The following SDK1 variants were observed in gnomAD, a reference collection of about 807,000 sequenced individuals.
SDK1 encodes protein sidekick-1.
SDK1 carries 157 observed loss-of-function variants against 245.5 expected under a neutral mutation model. That is an observed-to-expected ratio of 0.64 (90% CI 0.56 to 0.73). The LOEUF (loss-of-function observed/expected upper bound fraction) is 0.73, where lower values mean the gene tolerates loss of function less well. Among genes scored for constraint, SDK1 ranks in the 30% least tolerant of loss-of-function variants. The pLI, the probability that SDK1 is intolerant of heterozygous loss-of-function variation, is 0.00. For missense variants in SDK1, 3,583 were observed against 3,002.3 expected (o/e 1.19, Z -4.52); for synonymous variants, 1,647 against 1,278.5 (o/e 1.29, Z -6.15).
At position 3,938,957 on chromosome 7, in the gene SDK1, G is replaced by T. The variant is rs549182654; in HGVS notation, c.848-11966G>T. 2.6e-5 allele frequency among the ~76,000 whole-genome samples: 4 copies of T among 152,296 alleles called. No individual in the cohort carries two copies. In the East Asian group the frequency reaches 5.8e-4, roughly 22 times the overall value. ...AAATATGTTATAAATGAGAAGAAAA[G>T]AAACTGCTGGATTGTCAAACTGTCA... On this transcript the variant is annotated intron_variant, in intron 5 of 44. Transcript: ENST00000404826.
intron 4 of SDK1, among the ~76,000 whole-genome samples, chr7:3,674,614 A>G (rs1001246063): frequency 3.3e-5 from 5 of 152,078 alleles, no homozygotes; most frequent in African/African-American, 1.2e-4. Context: ...ATGAATTGAG[A>G]TTCTAAGACT....
At chr7:3,492,515 C>G (rs893054893) in intron 1 of SDK1, among the ~76,000 whole-genome samples, 3 of 152,038 alleles carry the variant, frequency 2.0e-5, no homozygotes, top group Non-Finnish European at 2.9e-5. Flanking sequence ...AAAACAAAAA[C>G]AACAAAAAAA....
chr7:3,957,428 C>A (rs76939630), intron 7 of SDK1, among the ~76,000 whole-genome samples: 22 of 152,344 alleles, frequency 1.4e-4, no homozygotes, highest in African/African-American at 5.3e-4. Context: ...TGAGCTCTTT[C>A]AGTGTTACAG....
At chr7:4,265,060 G>A (rs1368343886) in intron 44 of SDK1, 64 bp from the exon 45 acceptor site, 2 of 1,566,772 alleles carry the variant, frequency 1.3e-6, no homozygotes, top group South Asian at 2.3e-5. Context: ...CAGGCCTCCT[G>A]CCCAGCACGC....
chr7:3,995,551 C>T (rs146694171), intron 14 of SDK1, among the ~76,000 whole-genome samples: 1 of 152,324 alleles, frequency 6.6e-6, no homozygotes, highest in East Asian at 1.9e-4. Context: ...AGGGCACCAG[C>T]AAAGGCAAGA....
At chr7:4,138,096 C>T (rs577731504) in intron 28 of SDK1, among the ~76,000 whole-genome samples, 1 of 152,272 alleles carries the variant, frequency 6.6e-6, no homozygotes, top group African/African-American at 2.4e-5. Flanking sequence ...AACACACAGG[C>T]CAAGGAGTTT....
At position 3,357,406 on chromosome 7, in the gene SDK1, A is replaced by G. The variant is rs144887732; in HGVS notation, c.298+55522A>G. ...ACTCTGTTGCCCAGGCTGGAGTGCA[A>G]TGGTGCGATCACGGCTCACTGCAGC... is the stretch of plus-strand genomic sequence containing the variant. On this transcript the variant is annotated intron_variant, in intron 1 of 44. Transcript: ENST00000404826. Among the ~76,000 whole-genome samples the G allele has an allele frequency of 2.1e-3, 262 of 122,242 alleles. 3 individuals are homozygous for G. Among genetic ancestry groups the G allele is most frequent in the Non-Finnish European group, 2.6e-3 (165 of 63,070 alleles). The allele number at this position is 122,242 out of a possible 152,430, so 80.2% of individuals were successfully genotyped here.
At chr7:4,074,886 G>GTATATATATATATA (rs1240017364) in intron 20 of SDK1, among the ~76,000 whole-genome samples, 3 of 48,108 alleles carry the variant, frequency 6.2e-5, no homozygotes, top group Non-Finnish European at 6.5e-5. Context: ...CTCTCTCTCT[G>GTATATATATATATA]TATATATATA....
At chr7:4,235,932 C>G (rs1431569745) in intron 41 of SDK1, among the ~76,000 whole-genome samples, 1 of 152,246 alleles carries the variant, frequency 6.6e-6, no homozygotes, top group Non-Finnish European at 1.5e-5. Context: ...GGGGTCAGGC[C>G]CACTCCGGGC....
chr7:3,701,950 A>G (rs984860840), intron 4 of SDK1, among the ~76,000 whole-genome samples: 4 of 150,606 alleles, frequency 2.7e-5, no homozygotes, highest in South Asian at 2.1e-4. Context: ...AAAAAAGAAA[A>G]AAGAAAAATT....
At chr7:3,977,331 T>TCCCGGGGCTGAGGCTGCCACACAGGGGGC (rs1783020961) in intron 13 of SDK1, among the ~76,000 whole-genome samples, 18 of 34,160 alleles carry the variant, frequency 5.3e-4, no homozygotes, top group African/African-American at 2.4e-3. Flanking sequence ...ACGCAGAGGG[T>TCCCGGGGCTGAGGCTGCCACACAGGGGGC]CCTCCAGAGA....
At chr7:3,623,925 A>G (rs1245133407) in intron 2 of SDK1, among the ~76,000 whole-genome samples, 1 of 152,166 alleles carries the variant, frequency 6.6e-6, no homozygotes, top group Non-Finnish European at 1.5e-5. Context: ...TTCTTGCTTT[A>G]TTCCAGGGAA....
At chr7:3,635,241 T>A (rs1016034404) in intron 2 of SDK1, among the ~76,000 whole-genome samples, 1 of 152,224 alleles carries the variant, frequency 6.6e-6, no homozygotes, top group Non-Finnish European at 1.5e-5. Flanking sequence ...CATAAAAGAA[T>A]AAAAATTTTA....
intron 1 of SDK1, among the ~76,000 whole-genome samples, chr7:3,389,090 A>G (rs905277417): frequency 1.3e-5 from 2 of 152,194 alleles, no homozygotes; most frequent in African/African-American, 2.4e-5. Flanking sequence ...AAGGACCACA[A>G]GGAATGAGTG....
At position 3,989,513 on chromosome 7, in the gene SDK1, A is replaced by C. The variant is rs535156442; in HGVS notation, c.2131+2191A>C. ...GCCTCCCCCAGGCAGAGCCAGATGC[A>C]GGTATCCTGGCTGTTAACACGATCC... On this transcript the variant is annotated intron_variant, in intron 14 of 44. Coordinates refer to ENST00000404826, the MANE Select transcript of SDK1 (RefSeq NM_152744.4). Among the ~76,000 whole-genome samples, 6 of 152,292 alleles carry C rather than the reference A, an allele frequency of 3.9e-5. No homozygotes were observed. In the East Asian group the frequency reaches 7.7e-4, roughly 20 times the overall value.
At chr7:3,910,217 G>T (rs1474723060) in intron 5 of SDK1, among the ~76,000 whole-genome samples, 2 of 152,202 alleles carry the variant, frequency 1.3e-5, no homozygotes, top group African/African-American at 4.8e-5. Flanking sequence ...ACAGAGCCAA[G>T]CAGAGAGAGA....
At chr7:3,330,623 G>C (rs527846847) in intron 1 of SDK1, among the ~76,000 whole-genome samples, 1 of 152,184 alleles carries the variant, frequency 6.6e-6, no homozygotes, top group Non-Finnish European at 1.5e-5. Context: ...CAGTGCCATG[G>C]TCTTGGACTT....
At chr7:3,366,160 T>A (rs900497621) in intron 1 of SDK1, among the ~76,000 whole-genome samples, 1 of 152,206 alleles carries the variant, frequency 6.6e-6, no homozygotes, top group East Asian at 1.9e-4. Flanking sequence ...ATTAATTCTT[T>A]CCATATAAAT....
intron 1 of SDK1, among the ~76,000 whole-genome samples, chr7:3,353,054 T>C (rs1780702139): frequency 2.6e-5 from 4 of 152,232 alleles, no homozygotes; most frequent in African/African-American, 4.8e-5. Context: ...ATTAGTTCTT[T>C]TAAAGTACTT....
Sources: gnomAD v4.1 joint callset for allele counts (sites outside exome capture counted in the v4.1 genomes callset) on GRCh38, gnomAD v4.1.1 for gene constraint, MANE v1.5 for transcripts, NCBI Gene and HGNC (gene_info 2026-07-23, HGNC 2026-07-21) for gene names.